The following KCNMB2 variants were observed in gnomAD, a reference collection of about 807,000 sequenced individuals.
KCNMB2 encodes potassium calcium-activated channel subfamily M regulatory beta subunit 2.
Under a neutral mutation model 24.5 loss-of-function variants are expected in KCNMB2, and 9 were observed. The ratio of observed to expected loss-of-function variants is 0.37; its 90% CI spans 0.22 to 0.64. The LOEUF is 0.64. Among genes scored for constraint, KCNMB2 ranks in the 30% least tolerant of loss-of-function variants. The pLI, the probability that KCNMB2 is intolerant of heterozygous loss-of-function variation, is 0.63. For missense variants in KCNMB2, 226 were observed against 284.3 expected (o/e 0.79, Z 1.47); for synonymous variants, 109 against 104.4 (o/e 1.04, Z -0.27).
rs116784236 is a variant in KCNMB2 at position 178,780,567 on chromosome 3, T to C, written c.-67-26776T>C. Among the ~76,000 whole-genome samples the C allele has an allele frequency of 6.7e-3, 1,026 of 152,340 alleles. 17 individuals are homozygous for C. Among genetic ancestry groups the C allele is most frequent in the African/African-American group, 0.023 (969 of 41,576 alleles). ...GTATTACAATTTCAAGTGGCTACTA[T>C]GACACAGCCATATCAAAATACCCTG... On this transcript the variant is annotated intron_variant, in intron 1 of 4. Transcript: ENST00000452583.
chr3:178,761,629 A>G (rs1711881754), intron 1 of KCNMB2, among the ~76,000 whole-genome samples: 1 of 152,164 alleles, frequency 6.6e-6, no homozygotes, highest in Non-Finnish European at 1.5e-5. Flanking sequence ...CCTCCCATCC[A>G]TAAAGAGTAG....
chr3:178,561,870 T>C (rs1423053704), intron 1 of KCNMB2, among the ~76,000 whole-genome samples: 2 of 152,228 alleles, frequency 1.3e-5, no homozygotes, highest in African/African-American at 2.4e-5. Context: ...CAAGACATGA[T>C]GAAAGACATG....
Position 178,842,812 on chromosome 3 carries a change from G to T in KCNMB2, c.583G>T (p.Val195Leu). ...VILTKLYSSN[V>L]LFHSLFWPTC... is the part of the protein sequence containing the mutation. Reference sequence around the variant, plus strand: ...CCTAACAAAACTCTACAGTTCCAACGTGCTGTTCCATTCACTCTTCTGGCC... The same window carrying T: ...CCTAACAAAACTCTACAGTTCCAACTTGCTGTTCCATTCACTCTTCTGGCC... The change falls in exon 5 of 5, where the codon GTG becomes TTG. Residue 195 changes from valine (V) to leucine (L), a missense_variant. Coordinates refer to ENST00000452583, the MANE Select transcript of KCNMB2 (RefSeq NM_181361.3). 6.2e-7 allele frequency: 1 copy of T among 1,613,988 alleles called. No homozygotes were observed. Among genetic ancestry groups the T allele is most frequent in the Non-Finnish European group, 8.5e-7 (1 of 1,179,892 alleles).
chr3:178,748,903 C>T (rs1025843120), intron 1 of KCNMB2: 1 of 152,170 alleles, frequency 6.6e-6, no homozygotes, highest in Non-Finnish European at 1.5e-5. Flanking sequence ...ATTTAAGAAA[C>T]TCAATAAATT....
At position 178,782,036 on chromosome 3, in the gene KCNMB2, C is replaced by T. The variant is rs1336902742; in HGVS notation, c.-67-25307C>T. 6.6e-5 allele frequency among the ~76,000 whole-genome samples: 8 copies of T among 120,696 alleles called. No homozygotes were observed. The East Asian group carries it at 1.9e-3, about 28-fold the overall frequency. The allele number at this position is 120,696 out of a possible 152,430, so 79.2% of individuals were successfully genotyped here. A position where few individuals can be genotyped will look rare whatever the true frequency, so the allele number is the denominator to read the frequency against. ...ATTCCCACCTATGAGTGAGAATATGCGGTGTTTGGTTTTTTGTTCTTGCGA... is the reference window on the plus strand; with the variant it reads ...ATTCCCACCTATGAGTGAGAATATGTGGTGTTTGGTTTTTTGTTCTTGCGA... On this transcript the variant is annotated intron_variant, in intron 1 of 4. Transcript: ENST00000452583.
chr3:178,580,227 T>C (rs1476621381), intron 1 of KCNMB2, among the ~76,000 whole-genome samples: 2 of 152,124 alleles, frequency 1.3e-5, no homozygotes, highest in Non-Finnish European at 2.9e-5. Context: ...CATATGCAAA[T>C]CAATAAACTT....
At position 178,546,999 on chromosome 3, in the gene KCNMB2, G is replaced by A. The variant is rs78552080; in HGVS notation, c.-68+10288G>A. Among the ~76,000 whole-genome samples, 1,159 of 152,292 alleles carry A rather than the reference G, an allele frequency of 7.6e-3. 15 individuals are homozygous for A. Among genetic ancestry groups the A allele is most frequent in the African/African-American group, 0.027 (1,109 of 41,552 alleles). On this transcript the variant is annotated intron_variant, in intron 1 of 4. Transcript: ENST00000452583. ...GTTTGAATACATTCCCAATGTTCACGTGACAGAAACTTAATCCCCAATGCA... is the reference window on the plus strand; with the variant it reads ...GTTTGAATACATTCCCAATGTTCACATGACAGAAACTTAATCCCCAATGCA...
intron 1 of KCNMB2, among the ~76,000 whole-genome samples, chr3:178,580,413 T>C (rs1435786357): frequency 1.3e-5 from 2 of 152,166 alleles, no homozygotes; most frequent in African/African-American, 2.4e-5. Context: ...GCCAATATCA[T>C]ACTGAATGGG....
At chr3:178,762,039 C>G (rs1417185546) in intron 1 of KCNMB2, among the ~76,000 whole-genome samples, 1 of 152,046 alleles carries the variant, frequency 6.6e-6, no homozygotes, top group Admixed American at 6.6e-5. Context: ...GGCGTCGTAG[C>G]GGGCGCCTGT....
chr3:178,671,590 A>T (rs1343914934), intron 1 of KCNMB2, among the ~76,000 whole-genome samples: 1 of 152,088 alleles, frequency 6.6e-6, no homozygotes, highest in African/African-American at 2.4e-5. Context: ...GAAATTGATG[A>T]TCCACAGCAC....
intron 2 of KCNMB2, 145 bp from the exon 3 acceptor site, chr3:178,825,443 G>A (rs568237879): frequency 1.7e-6 from 1 of 596,574 alleles, no homozygotes; most frequent in Non-Finnish European, 3.0e-6. Context: ...TGCTTGTGTG[G>A]GAGGTAGTGG....
chr3:178,583,893 T>C (rs1577027816), intron 1 of KCNMB2, among the ~76,000 whole-genome samples: 1 of 152,226 alleles, frequency 6.6e-6, no homozygotes, highest in Admixed American at 6.5e-5. Flanking sequence ...CCTGTTCTCA[T>C]GGCCTGAAAG....
chr3:178,733,262 G>C (rs1723209528), intron 1 of KCNMB2, among the ~76,000 whole-genome samples: 1 of 152,104 alleles, frequency 6.6e-6, no homozygotes, highest in Admixed American at 6.5e-5. Flanking sequence ...TCCTGAGGCA[G>C]GACATCACTG....
chr3:178,720,048 T>C (rs1164713543), intron 1 of KCNMB2, among the ~76,000 whole-genome samples: 1 of 152,202 alleles, frequency 6.6e-6, no homozygotes, highest in Non-Finnish European at 1.5e-5. Context: ...GTTACATATG[T>C]ATACATGTGC....
intron 1 of KCNMB2, among the ~76,000 whole-genome samples, chr3:178,705,609 C>T (rs904801354): frequency 1.3e-5 from 2 of 152,138 alleles, no homozygotes; most frequent in Non-Finnish European, 2.9e-5. Context: ...CAGATACATA[C>T]ACACTCCAGA....
At chr3:178,671,910 A>G (rs1203328838) in intron 1 of KCNMB2, among the ~76,000 whole-genome samples, 1 of 152,178 alleles carries the variant, frequency 6.6e-6, no homozygotes, top group African/African-American at 2.4e-5. Context: ...AACTATGGAA[A>G]CAGGGACACT....
intron 1 of KCNMB2, among the ~76,000 whole-genome samples, chr3:178,704,464 C>T (rs1722210070): frequency 6.6e-6 from 1 of 152,072 alleles, no homozygotes; most frequent in East Asian, 1.9e-4. Flanking sequence ...ATTAAGAATT[C>T]CATATTCCTG....
intron 2 of KCNMB2, among the ~76,000 whole-genome samples, chr3:178,812,837 C>A (rs1414125761): frequency 1.3e-5 from 2 of 152,080 alleles, no homozygotes. Context: ...CAACAGTTTA[C>A]AAATTTTAGC....
At chr3:178,761,329 G>A (rs1256588103) in intron 1 of KCNMB2, among the ~76,000 whole-genome samples, 1 of 152,168 alleles carries the variant, frequency 6.6e-6, no homozygotes, top group African/African-American at 2.4e-5. Context: ...CATGGAACGA[G>A]CAATAGAAAT....
Sources: allele counts gnomAD v4.1 joint callset (sites outside exome capture counted in the v4.1 genomes callset), GRCh38; gene constraint gnomAD v4.1.1; transcripts MANE v1.5; gene names NCBI Gene and HGNC (gene_info 2026-07-23, HGNC 2026-07-21).